OR52I2: variants seen among roughly 807,000 people sequenced by gnomAD.
OR52I2 encodes olfactory receptor family 52 subfamily I member 2, also known as olfactory receptor 52I2.
For synonymous variants in OR52I2, 147 were observed against 151.9 expected (o/e 0.97, Z 0.24); for missense variants, 350 against 402.4 (o/e 0.87, Z 1.11).
exon 2 of OR52I2, chr11:4,588,216 C>T (rs1413643656): frequency 2.0e-5 from 5 of 253,912 alleles, no homozygotes; most frequent in African/African-American, 6.6e-5. Flanking sequence ...CAACAAAGAC[C>T]GCTCACCATT....
chr11:4,583,297 G>A (rs1366416956), intron 1 of OR52I2, among the ~76,000 whole-genome samples: 1 of 152,064 alleles, frequency 6.6e-6, no homozygotes, highest in African/African-American at 2.4e-5. Context: ...ACTCTCGAAG[G>A]CATGAAAGGT....
intron 1 of OR52I2, among the ~76,000 whole-genome samples, chr11:4,584,783 ATCTTCAG>A (rs1422885644): frequency 7.9e-5 from 12 of 152,196 alleles, no homozygotes; most frequent in Non-Finnish European, 4.4e-5. Flanking sequence ...TGGTTGAGAC[ATCTTCAG>A]TGGTAGATTA....
chr11:4,591,551 G>C (rs1846350674), exon 2 of OR52I2: 1 of 152,170 alleles, frequency 6.6e-6, no homozygotes, highest in Non-Finnish European at 1.5e-5. Context: ...TTAGGAAGGA[G>C]ATCAATTGTA....
At chr11:4,582,367 T>G in intron 1 of OR52I2, among the ~76,000 whole-genome samples, 1 of 152,114 alleles carries the variant, frequency 6.6e-6, no homozygotes, top group East Asian at 1.9e-4. Context: ...CTCACAGGTC[T>G]TGTGCTTTGT....
intron 1 of OR52I2, among the ~76,000 whole-genome samples, chr11:4,583,008 T>A (rs1846271408): frequency 6.6e-6 from 1 of 152,052 alleles, no homozygotes; most frequent in Non-Finnish European, 1.5e-5. Context: ...CCATAATGGC[T>A]CAAAAACAAA....
At chr11:4,586,580 G>A (rs954486319) in intron 1 of OR52I2, among the ~76,000 whole-genome samples, 5 of 152,130 alleles carry the variant, frequency 3.3e-5, no homozygotes, top group African/African-American at 9.7e-5. Flanking sequence ...GGTCACGATG[G>A]GAGATTGTAT....
At chr11:4,591,353 A>T (rs1455066563) in exon 2 of OR52I2, 1 of 152,216 alleles carries the variant, frequency 6.6e-6, no homozygotes. Context: ...AGGCACAGGA[A>T]GCGATAGTTA....
intron 1 of OR52I2, among the ~76,000 whole-genome samples, chr11:4,584,291 A>T (rs191842311): frequency 6.6e-6 from 1 of 152,216 alleles, no homozygotes; most frequent in Non-Finnish European, 1.5e-5. Context: ...GATGTGGTGA[A>T]CTACTAGGCT....
At chr11:4,586,930 G>T (rs370188965) in exon 2 of OR52I2, 1 of 1,614,112 alleles carries the variant, frequency 6.2e-7, no homozygotes, top group Non-Finnish European at 8.5e-7. Flanking sequence ...GGAAACCCCT[G>T]CCTCCTTCCT....
exon 2 of OR52I2, chr11:4,591,970 T>G (rs1846353386): frequency 6.6e-6 from 1 of 152,234 alleles, no homozygotes; most frequent in African/African-American, 2.4e-5. Flanking sequence ...GCACAGCCAC[T>G]GGGTGAGACA....
chr11:4,589,957 G>A (rs1183657112), exon 2 of OR52I2: 1 of 152,144 alleles, frequency 6.6e-6, no homozygotes, highest in Non-Finnish European at 1.5e-5. Context: ...GGACTTTTCT[G>A]TGCTAGTTTT....
At chr11:4,588,183 TCACCAAC>T in exon 2 of OR52I2, 59 of 304,814 alleles carry the variant, frequency 1.9e-4, no homozygotes, top group Middle Eastern at 1.0e-3. Flanking sequence ...TGCTCCTGCC[TCACCAAC>T]TCTTAAAATG....
chr11:4,587,336 G>C (rs1439519256), exon 2 of OR52I2: 6 of 1,599,762 alleles, frequency 3.8e-6, no homozygotes, highest in Non-Finnish European at 5.1e-6. Flanking sequence ...CTGGGAATGA[G>C]TATGGCCATC....
exon 1 of OR52I2, chr11:4,581,830 A>G (rs1337462156): frequency 2.0e-5 from 3 of 152,254 alleles, no homozygotes; most frequent in Non-Finnish European, 4.4e-5. Flanking sequence ...GCATCAACCC[A>G]TCAGGGAAAG....
At chr11:4,592,927 T>G (rs75836265) in exon 2 of OR52I2, 3 of 152,192 alleles carry the variant, frequency 2.0e-5, no homozygotes, top group Non-Finnish European at 2.9e-5. Flanking sequence ...ACTATTTATG[T>G]TGGGCTGGAT....
At chr11:4,590,805 C>A (rs1846345088) in exon 2 of OR52I2, 1 of 152,170 alleles carries the variant, frequency 6.6e-6, no homozygotes, top group South Asian at 2.1e-4. Context: ...AAAAGCTTTC[C>A]CTTGTCTTCT....
intron 1 of OR52I2, among the ~76,000 whole-genome samples, chr11:4,583,282 C>CAAA (rs1564859222): frequency 0.011 from 1,591 of 150,804 alleles, 30 homozygotes; most frequent in African/African-American, 0.037. Context: ...AAAAAAAAAC[C>CAAA]CACCACTCTC....
chr11:4,587,748 G>A (rs534229185), exon 2 of OR52I2: 1 of 1,614,144 alleles, frequency 6.2e-7, no homozygotes, highest in South Asian at 1.1e-5. Context: ...ACCTGTACGT[G>A]ATCATCCCAG....
chr11:4,586,157 T>A (rs546145968), intron 1 of OR52I2, among the ~76,000 whole-genome samples: 1 of 152,330 alleles, frequency 6.6e-6, no homozygotes, highest in African/African-American at 2.4e-5. Flanking sequence ...GGATTATATT[T>A]CCAGGTACTT....
Sources: allele counts gnomAD v4.1 joint callset (sites outside exome capture counted in the v4.1 genomes callset), GRCh38; gene constraint gnomAD v4.1.1; transcripts MANE v1.5; gene names NCBI Gene and HGNC (gene_info 2026-07-23, HGNC 2026-07-21).